Variants in EPC2 observed in about 807,000 individuals in gnomAD.
EPC2 encodes the protein enhancer of polycomb homolog 2.
A neutral mutation model predicts 92.1 loss-of-function variants in EPC2; 14 were observed. The ratio of observed to expected loss-of-function variants is 0.15; its 90% CI spans 0.10 to 0.24. The LOEUF (loss-of-function observed/expected upper bound fraction) is 0.24, where lower values mean the gene tolerates loss of function less well. Among genes scored for constraint, EPC2 ranks in the 10% least tolerant of loss-of-function variants. EPC2 has a pLI of 1.00. For missense variants in EPC2, 755 were observed against 971.5 expected, an observed-to-expected ratio of 0.78 and a Z score of 2.96; for synonymous variants, 340 against 334.7, an observed-to-expected ratio of 1.02 and a Z score of -0.17.
chr2:148,661,345 TA>T (rs1680929418), intron 1 of EPC2, among the ~76,000 whole-genome samples: 1 of 152,192 alleles, frequency 6.6e-6, no homozygotes, highest in Admixed American at 6.5e-5. Flanking sequence ...TATAACTTGT[TA>T]AAGCTGTTGA....
At chr2:148,748,716 T>A (rs1277712714) in intron 3 of EPC2, among the ~76,000 whole-genome samples, 1 of 151,978 alleles carries the variant, frequency 6.6e-6, no homozygotes, top group Admixed American at 6.6e-5. Context: ...TTTTAAATAA[T>A]TTTGTGAATG....
At chr2:148,690,427 G>T in intron 2 of EPC2, 54 bp downstream of exon 2, 1 of 1,448,892 alleles carries the variant, frequency 6.9e-7, no homozygotes, top group Middle Eastern at 1.8e-4. Context: ...ATCAACCAGT[G>T]GAAATCTTTT....
chr2:148,774,124 G>A (rs1683577080), intron 10 of EPC2, among the ~76,000 whole-genome samples: 1 of 152,128 alleles, frequency 6.6e-6, no homozygotes, highest in South Asian at 2.1e-4. Flanking sequence ...CCATTTCACA[G>A]CTGGGAAATC....
intron 2 of EPC2, among the ~76,000 whole-genome samples, chr2:148,695,399 A>G (rs552765304): frequency 3.4e-4 from 52 of 152,310 alleles, no homozygotes; most frequent in African/African-American, 1.1e-3. Context: ...ACTGCTGTAC[A>G]CTTCTGTACA....
At chr2:148,783,778 G>A in intron 12 of EPC2, 22 bp downstream of exon 12, 2 of 1,568,582 alleles carry the variant, frequency 1.3e-6, no homozygotes, top group South Asian at 1.2e-5. Context: ...GTTTCACATG[G>A]TACCTACTTT....
chr2:148,664,035 A>G (rs141673862), intron 1 of EPC2, among the ~76,000 whole-genome samples: 22 of 152,252 alleles, frequency 1.4e-4, no homozygotes, highest in African/African-American at 5.1e-4. Flanking sequence ...GAAAGATCCT[A>G]AAGGACTCTG....
chr2:148,734,803 C>CT (rs35981733), intron 2 of EPC2, among the ~76,000 whole-genome samples: 22,537 of 137,898 alleles, frequency 0.16, 2,354 homozygotes, highest in East Asian at 0.46. Flanking sequence ...GAATTGATTT[C>CT]TTTTTTTTTT....
intron 4 of EPC2, among the ~76,000 whole-genome samples, chr2:148,755,621 G>A (rs746041100): frequency 4.6e-5 from 7 of 152,176 alleles, no homozygotes; most frequent in Non-Finnish European, 1.0e-4. Flanking sequence ...GTTGCCTACA[G>A]TATTCAGTAC....
chr2:148,743,852 G>T, intron 3 of EPC2, 85 bp downstream of exon 3: 1 of 1,098,984 alleles, frequency 9.1e-7, no homozygotes, highest in East Asian at 2.8e-5. Flanking sequence ...GCATTTTACT[G>T]TTTCTTGGAT....
chr2:148,711,767 C>A (rs565466471), intron 2 of EPC2, among the ~76,000 whole-genome samples: 1 of 152,128 alleles, frequency 6.6e-6, no homozygotes, highest in African/African-American at 2.4e-5. Context: ...GTTGCTCTGT[C>A]GTTAGGCACA....
intron 6 of EPC2, among the ~76,000 whole-genome samples, chr2:148,763,636 G>A (rs1378645908): frequency 6.6e-6 from 1 of 151,864 alleles, no homozygotes; most frequent in Non-Finnish European, 1.5e-5. Flanking sequence ...TGTGGAGCAG[G>A]AAGACTCCTT....
chr2:148,663,193 T>TTTTATTA (rs1559140910), intron 1 of EPC2, among the ~76,000 whole-genome samples: 5 of 98,636 alleles, frequency 5.1e-5, no homozygotes, highest in Non-Finnish European at 8.7e-5. Context: ...ACTGTGTTTT[T>TTTTATTA]GTATTATTAT....
At chr2:148,712,072 A>G (rs1682155083) in intron 2 of EPC2, among the ~76,000 whole-genome samples, 5 of 152,110 alleles carry the variant, frequency 3.3e-5, no homozygotes, top group African/African-American at 1.2e-4. Flanking sequence ...TAAAGTGATT[A>G]TTGATTTCCT....
intron 2 of EPC2, among the ~76,000 whole-genome samples, chr2:148,722,186 CATG>C (rs1401800736): frequency 6.6e-6 from 1 of 152,080 alleles, no homozygotes; most frequent in African/African-American, 2.4e-5. Context: ...TTGATAGTTT[CATG>C]ATGAGGTCTG....
intron 11 of EPC2, among the ~76,000 whole-genome samples, chr2:148,783,021 A>G (rs780601344): frequency 2.6e-5 from 4 of 152,062 alleles, no homozygotes; most frequent in Non-Finnish European, 4.4e-5. Flanking sequence ...TGAAAATCTC[A>G]GTGACCCTGG....
At position 148,676,802 on chromosome 2, in the gene EPC2, GTCTC is replaced by G. The variant is rs1280932650; in HGVS notation, c.154-13408_154-13405del. Among the ~76,000 whole-genome samples the G allele has an allele frequency of 6.3e-5, 8 of 126,456 alleles. No individual in the cohort carries two copies. In the East Asian group the frequency reaches 9.3e-4, roughly 15 times the overall value. 83.0% of individuals were successfully genotyped at this position (126,456 alleles called of 152,430 possible). ...GCTCTCTCTCTCTCTCTCTCTCTCT[GTCTC>G]TCTTTTTGTCTTATAAACAGTGCCA... On this transcript the variant is annotated intron_variant, in intron 1 of 13. Transcript: ENST00000258484.
chr2:148,722,727 G>A (rs1682407354), intron 2 of EPC2, among the ~76,000 whole-genome samples: 1 of 152,180 alleles, frequency 6.6e-6, no homozygotes, highest in South Asian at 2.1e-4. Flanking sequence ...CCACATGTAT[G>A]TTCATTGCAG....
chr2:148,702,339 TTCTC>T (rs1165776583), intron 2 of EPC2, among the ~76,000 whole-genome samples: 1 of 152,204 alleles, frequency 6.6e-6, no homozygotes, highest in Non-Finnish European at 1.5e-5. Flanking sequence ...ATTTGCCTTT[TTCTC>T]TCTCTGTTTC....
At chr2:148,765,566 T>C (rs1325442341) in intron 7 of EPC2, among the ~76,000 whole-genome samples, 2 of 152,226 alleles carry the variant, frequency 1.3e-5, no homozygotes, top group African/African-American at 2.4e-5. Flanking sequence ...TTTATAACTT[T>C]TAATGTAAAC....
Sources: gnomAD v4.1 joint callset for allele counts (sites outside exome capture counted in the v4.1 genomes callset) on GRCh38, gnomAD v4.1.1 for gene constraint, MANE v1.5 for transcripts, NCBI Gene and HGNC (gene_info 2026-07-23, HGNC 2026-07-21) for gene names.